The following PCDHGA7 variants were observed in gnomAD, a reference collection of about 807,000 sequenced individuals.
PCDHGA7 encodes the protein protocadherin gamma-A7.
In PCDHGA7, 44 loss-of-function variants were observed where a neutral mutation model predicts 58.3. The ratio of observed to expected loss-of-function variants is 0.75; its 90% CI spans 0.59 to 0.97. The LOEUF is 0.97. PCDHGA7 is among the 50% of genes least tolerant of loss of function. The probability of loss-of-function intolerance (pLI) is 0.00; values close to 1 mark genes in which losing one functional copy is unlikely to be tolerated. For missense variants in PCDHGA7, 1,266 were observed against 1,188.7 expected (o/e 1.06, Z -0.96); for synonymous variants, 516 against 504.2 (o/e 1.02, Z -0.31).
chr5:141,405,457 TTA>T, intron 1 of PCDHGA7: 1 of 1,256,670 alleles, frequency 8.0e-7, no homozygotes, highest in Non-Finnish European at 1.1e-6. Context: ...TCTTACTCTG[TTA>T]CCCAGGCTGG....
chr5:141,506,832 C>T (rs1398190563), intron 3 of PCDHGA7, among the ~76,000 whole-genome samples: 1 of 152,130 alleles, frequency 6.6e-6, no homozygotes, highest in African/African-American at 2.4e-5. Flanking sequence ...GAACTGATAG[C>T]CCTGCCCTCC....
At chr5:141,400,227 C>T in intron 1 of PCDHGA7, 1 of 1,614,052 alleles carries the variant, frequency 6.2e-7, no homozygotes, top group Middle Eastern at 1.6e-4. Flanking sequence ...TGCTCTTCCT[C>T]CTGGCCGTGA....
chr5:141,464,980 GATCCT>G (rs2154568684), intron 1 of PCDHGA7, among the ~76,000 whole-genome samples: 1 of 151,990 alleles, frequency 6.6e-6, no homozygotes, highest in East Asian at 1.9e-4. Flanking sequence ...GGCTTCAAGT[GATCCT>G]CCCACCTCAG....
At position 141,505,629 on chromosome 5, in the gene PCDHGA7, C is replaced by T. The variant is rs1475582931; in HGVS notation, c.2572+148C>T. 7.4e-6 allele frequency: 11 copies of T among 1,482,192 alleles called. No individual in the cohort carries two copies. The African/African-American group carries it at 9.8e-5, about 13-fold the overall frequency. The allele number at this position is 1,482,192 out of a possible 1,614,324, so 91.8% of individuals were successfully genotyped here. ...GTCTGAAAGGACCCACAATTCCAAACATAAAGCCTGGAATTGTGGCTAAGG... is the reference window on the plus strand; with the variant it reads ...GTCTGAAAGGACCCACAATTCCAAATATAAAGCCTGGAATTGTGGCTAAGG... On this transcript the variant is annotated intron_variant, in intron 3 of 3. Coordinates refer to ENST00000518325, the MANE Select transcript of PCDHGA7 (RefSeq NM_018920.4).
At chr5:141,428,129 C>G (rs1449809875) in intron 1 of PCDHGA7, 1 of 1,603,218 alleles carries the variant, frequency 6.2e-7, no homozygotes, top group Non-Finnish European at 8.5e-7. Context: ...CCGGGCTTTT[C>G]AGCCTGGGGC....
Position 141,491,739 on chromosome 5 carries a change from C to A in PCDHGA7, c.2425-3068C>A, listed in dbSNP as rs372183034. ...CGCCGCCCCGGGCGACCCCTGGGGG[C>A]GGCACTGGAGAAGCCGCCCGTCCTC... On this transcript the variant is annotated intron_variant, in intron 1 of 3. Transcript: ENST00000518325. The surrounding 1 kb of genome is among the most constrained non-coding windows in gnomAD (Gnocchi z 6.9). 2 of 1,598,886 alleles carry A rather than the reference C, an allele frequency of 1.3e-6. No individual in the cohort carries two copies. The highest frequency in any genetic ancestry group is 1.3e-5 in the African/African-American group (1 of 74,290).
At chr5:141,393,821 G>T (rs2240700) in intron 1 of PCDHGA7, 228,339 of 1,613,716 alleles carry the variant, frequency 0.14, 18,414 homozygotes, top group African/African-American at 0.32. Context: ...TGCTCATTTC[G>T]GTGGAAGATG....
chr5:141,447,942 T>C (rs1476141059), intron 1 of PCDHGA7, among the ~76,000 whole-genome samples: 2 of 151,740 alleles, frequency 1.3e-5, no homozygotes, highest in African/African-American at 4.8e-5. Context: ...AAAAATTAGC[T>C]GGGCATGGTG....
chr5:141,471,637 T>G (rs1284100810), intron 1 of PCDHGA7: 1 of 152,198 alleles, frequency 6.6e-6, no homozygotes, highest in Non-Finnish European at 1.5e-5. Context: ...TATGGATTAG[T>G]AATATACTGG....
At chr5:141,506,188 C>A (rs925159785) in intron 3 of PCDHGA7, among the ~76,000 whole-genome samples, 1 of 152,058 alleles carries the variant, frequency 6.6e-6, no homozygotes, top group Non-Finnish European at 1.5e-5. Flanking sequence ...TGGTGGCTCA[C>A]GCCTGTAATC....
Position 141,485,286 on chromosome 5 carries a change from AG to A in PCDHGA7, c.2425-9520del. On this transcript the variant is annotated intron_variant, in intron 1 of 3. Coordinates refer to ENST00000518325, the MANE Select transcript of PCDHGA7 (RefSeq NM_018920.4). This position sits in a 1 kb window ranked among gnomAD's most constrained non-coding sequence, Gnocchi z 5.7. ...CAGATCCGCTACCCGGTCCCAGAGG[AG>A]TCACAGGAAGGGACTTTTGTAGGGA... The A allele has an allele frequency of 6.2e-7, 1 of 1,614,044 alleles. No homozygotes were observed. Among genetic ancestry groups the A allele is most frequent in the Non-Finnish European group, 8.5e-7 (1 of 1,179,928 alleles).
intron 1 of PCDHGA7, chr5:141,421,199 A>C (rs991814876): frequency 2.0e-6 from 3 of 1,514,716 alleles, no homozygotes; most frequent in Non-Finnish European, 2.6e-6. Context: ...CAGCTCGAGA[A>C]ACCGCGGAAT....
chr5:141,414,060 G>C (rs769101242), intron 1 of PCDHGA7: 1 of 1,609,304 alleles, frequency 6.2e-7, no homozygotes, highest in South Asian at 1.1e-5. Flanking sequence ...AATTGTTGAA[G>C]TTCCAACTAA....
chr5:141,502,868 T>TTTTTTTTTC (rs1298099288), intron 2 of PCDHGA7, among the ~76,000 whole-genome samples: 1 of 147,026 alleles, frequency 6.8e-6, no homozygotes, highest in Non-Finnish European at 1.5e-5. Flanking sequence ...CTCTCTGTCT[T>TTTTTTTTTC]TTTTTTTTTT....
chr5:141,428,073 G>A (rs2097106496), intron 1 of PCDHGA7: 1 of 1,609,082 alleles, frequency 6.2e-7, no homozygotes, highest in Admixed American at 1.7e-5. Flanking sequence ...CGCAGATTCG[G>A]GACACAACGC....
intron 1 of PCDHGA7, among the ~76,000 whole-genome samples, chr5:141,434,192 A>G (rs2097676888): frequency 6.6e-6 from 1 of 152,194 alleles, no homozygotes; most frequent in Non-Finnish European, 1.5e-5. Context: ...TGTAATTCCA[A>G]TGTACTTACT....
chr5:141,471,635 A>G (rs1477641248), intron 1 of PCDHGA7: 1 of 152,224 alleles, frequency 6.6e-6, no homozygotes, highest in Non-Finnish European at 1.5e-5. Context: ...GGTATGGATT[A>G]GTAATATACT....
intron 1 of PCDHGA7, chr5:141,404,674 T>C: frequency 1.9e-6 from 3 of 1,614,176 alleles, no homozygotes; most frequent in East Asian, 2.2e-5. Context: ...GTTCTACTGG[T>C]GTGGAGCTGG....
At chr5:141,452,017 C>T (rs181614467) in intron 1 of PCDHGA7, among the ~76,000 whole-genome samples, 10 of 152,344 alleles carry the variant, frequency 6.6e-5, no homozygotes, top group Non-Finnish European at 1.2e-4. Flanking sequence ...CCAGCCCACA[C>T]TCTGGGGAGA....
Sources: gnomAD v4.1 joint callset for allele counts (sites outside exome capture counted in the v4.1 genomes callset) on GRCh38, gnomAD v4.1.1 for gene constraint, Gnocchi (gnomAD v3.1) non-coding constraint, MANE v1.5 for transcripts, NCBI Gene and HGNC (gene_info 2026-07-23, HGNC 2026-07-21) for gene names.